The following ACD variants were observed in gnomAD, a reference collection of about 807,000 sequenced individuals.
The protein encoded by ACD is ACD shelterin complex subunit and telomerase recruitment factor, also known as adrenocortical dysplasia protein homolog.
ACD carries 39 observed loss-of-function variants against 53.9 expected under a neutral mutation model. That is an observed-to-expected ratio of 0.72 (90% CI 0.56 to 0.95). The LOEUF is 0.95. Ranked by LOEUF, ACD falls within the 40% of genes least tolerant of loss-of-function variation. ACD has a pLI of 0.00. For synonymous variants in ACD, 273 were observed against 249.2 expected, an observed-to-expected ratio of 1.10 and a Z score of -0.90; for missense variants, 526 against 587.9, an observed-to-expected ratio of 0.89 and a Z score of 1.09.
Position 67,659,283 on chromosome 16 carries a change from A to T in ACD, c.459-20T>A. 6.2e-7 allele frequency: 1 copy of T among 1,614,170 alleles called. No individual in the cohort carries two copies. The highest frequency in any genetic ancestry group is 1.1e-5 in the South Asian group (1 of 91,086). On this transcript the variant is annotated intron_variant, in intron 5 of 11. Coordinates refer to ENST00000620761, the MANE Select transcript of ACD (RefSeq NM_001082486.2). ...TGCTCCCTACAGGAAGAGAGTGGCC[A>T]GGACTCAGGAACCATGCTGAGGCCT...
chr16:67,660,113 G>C lies in ACD; in HGVS notation c.99+9C>G, dbSNP rs1432704450. The C allele has an allele frequency of 3.7e-6, 6 of 1,612,430 alleles. No homozygotes were observed. Among genetic ancestry groups the C allele is most frequent in the Non-Finnish European group, 5.1e-6 (6 of 1,179,866 alleles). On this transcript the variant is annotated intron_variant, in intron 1 of 11. Coordinates refer to ENST00000620761, the MANE Select transcript of ACD (RefSeq NM_001082486.2). Reference sequence around the variant, plus strand: ...CGCCTCGGTCTCCGGGCCCTGAATGGGGGCTCACCTCAAGCAGCTGCCCGG... The same window carrying C: ...CGCCTCGGTCTCCGGGCCCTGAATGCGGGCTCACCTCAAGCAGCTGCCCGG...
In ACD at chr16:67,659,268, A is replaced by G. The variant is rs367821436; in HGVS notation, c.459-5T>C. 11 of 1,614,048 alleles carry G rather than the reference A, an allele frequency of 6.8e-6. No individual in the cohort carries two copies. The highest frequency in any genetic ancestry group is 3.3e-5 in the Admixed American group (2 of 60,006). ...GTGGACTCTGAAAGGTGCTCCCTAC[A>G]GGAAGAGAGTGGCCAGGACTCAGGA... On this transcript the variant is annotated splice_polypyrimidine_tract_variant and splice_region_variant and intron_variant, in intron 5 of 11. Coordinates refer to ENST00000620761, the MANE Select transcript of ACD (RefSeq NM_001082486.2).
At position 67,657,951 on chromosome 16, in the gene ACD, G is replaced by A. The variant is rs778014945; in HGVS notation, c.1206+35C>T. On this transcript the variant is annotated intron_variant, in intron 10 of 11. Coordinates refer to ENST00000620761, the MANE Select transcript of ACD (RefSeq NM_001082486.2). The surrounding 1 kb of genome is among the most constrained non-coding windows in gnomAD (Gnocchi z 4.5). The stretch of plus-strand genomic sequence containing the variant: ...CCCAGCTCTACCTCAGGCCTTCCTT[G>A]TTCTACCCTCCAGCTGCAGAGGGGC... 1 of 1,596,278 alleles carries A rather than the reference G, an allele frequency of 6.3e-7. No individual in the cohort carries two copies.
In ACD at chr16:67,659,822, G is replaced by A. The variant is rs779109543; in HGVS notation, c.243-27C>T. The A allele has an allele frequency of 7.5e-6, 12 of 1,593,460 alleles. No individual in the cohort carries two copies. In the South Asian group the frequency reaches 1.2e-4, roughly 16 times the overall value. The stretch of plus-strand genomic sequence containing the variant: ...TGCAACAAGCAGGATCCTCACTGCC[G>A]GGCCCACCTGAACACAAGGCCCGCC... On this transcript the variant is annotated intron_variant, in intron 2 of 11. Coordinates refer to ENST00000620761, the MANE Select transcript of ACD (RefSeq NM_001082486.2).
At position 67,658,528 on chromosome 16, in the gene ACD, G is replaced by A. The variant is rs778484233; in HGVS notation, c.829+27C>T. ...GAACCTGACTGACAGGCGGCAGTGA[G>A]TGCCTGTGACCTGTGCATCACCTCA... On this transcript the variant is annotated intron_variant, in intron 9 of 11. Transcript: ENST00000620761. The A allele has an allele frequency of 2.5e-6, 4 of 1,569,112 alleles. No individual in the cohort carries two copies. In the African/African-American group the frequency reaches 4.0e-5, roughly 16 times the overall value.
At position 67,658,196 on chromosome 16, in the gene ACD, G is replaced by A. The variant is rs560864093; in HGVS notation, c.996C>T (p.His332=). The A allele has an allele frequency of 1.2e-5, 19 of 1,612,750 alleles. No homozygotes were observed. In the African/African-American group the frequency reaches 1.6e-4, roughly 14 times the overall value. The change falls in exon 10 of 12, where the codon CAC becomes CAT. Residue 332 remains histidine, a synonymous_variant. Transcript: ENST00000620761. ...APATLTPRSP[H]ASRTPSSPLQ... ...GTGGGGAGCTGGGGGTACGGCTGGC[G>A]TGTGGGGACCTGGGGGTCAGGGTGG...
chr16:67,659,290 A>T (rs187847017), intron 5 of ACD, 27 bp from the exon 6 acceptor site: 1 of 1,614,156 alleles, frequency 6.2e-7, no homozygotes, highest in Non-Finnish European at 8.5e-7. Context: ...GCCAGGACTC[A>T]GGAACCATGC....
chr16:67,657,663 G>T lies in ACD; in HGVS notation c.1320C>A (p.Ala440=). ...CATCCATCAGAAAGTGCAAGGCCCA[G>T]GCCATGAGCTGGGGAGGAAGCCTGG... ...QAVRLPPQLM[A]WALHFLMDAQ... The change falls in exon 12 of 12, where the codon GCC becomes GCA. Residue 440 remains alanine (A), a synonymous_variant. Coordinates refer to ENST00000620761, the MANE Select transcript of ACD (RefSeq NM_001082486.2). This position sits in a 1 kb window ranked among gnomAD's most constrained non-coding sequence, Gnocchi z 4.5. 6.2e-7 allele frequency: 1 copy of T among 1,614,176 alleles called. No individual in the cohort carries two copies. The highest frequency in any genetic ancestry group is 2.2e-5 in the East Asian group (1 of 44,896).
rs372485172 is a variant in ACD, at chr16:67,658,316, G to A, written c.876C>T (p.Thr292=). The change falls in exon 10 of 12, where the codon ACC becomes ACT. Residue 292 remains threonine (T), a synonymous_variant. Coordinates refer to ENST00000620761, the MANE Select transcript of ACD (RefSeq NM_001082486.2). ...PGHMSSEESG[T]SISLLPALSL... ...ACAGGGCAGGCAGAAGGCTGATGCT[G>A]GTACCACTTTCCTCGGATGACATGT... The A allele has an allele frequency of 5.6e-6, 9 of 1,613,758 alleles. No individual in the cohort carries two copies. In the African/African-American group the frequency reaches 1.1e-4, roughly 19 times the overall value.
At position 67,659,903 on chromosome 16, in the gene ACD, C is replaced by A; in HGVS notation, c.242G>T (p.Trp81Leu). The A allele has an allele frequency of 1.3e-6, 2 of 1,591,238 alleles. No individual in the cohort carries two copies. Among genetic ancestry groups the A allele is most frequent in the Non-Finnish European group, 1.7e-6 (2 of 1,168,224 alleles). Reference protein sequence around the residue: ...VTREALDTSDWEEKEFGFRGT... With the variant: ...VTREALDTSDLEEKEFGFRGT... ...TCCAGAGCCGCGCGGGGCCTCTCAC[C>A]AGTCCGAGGTGTCCAGGGCCTCCCG... Residue 81 changes from tryptophan to leucine, a missense_variant and splice_region_variant, in exon 2 of 12, where the codon TGG (tryptophan) becomes TTG (leucine). Physicochemically the swap from Trp to Leu is moderately conservative, Grantham distance 61 (BLOSUM62 -2). Transcript: ENST00000620761.
Position 67,659,985 on chromosome 16 carries a change from C to A in ACD, c.160G>T (p.Val54Phe), listed in dbSNP as rs1357706430. 6.2e-7 allele frequency: 1 copy of A among 1,609,058 alleles called. No homozygotes were observed. Among genetic ancestry groups the A allele is most frequent in the Non-Finnish European group, 8.5e-7 (1 of 1,179,006 alleles). Residue 54 changes from valine to phenylalanine, a missense_variant, in exon 2 of 12, where the codon GTC becomes TTC. Transcript: ENST00000620761. Reference protein sequence around the residue: ...GPSHAPDTSDVGATLLVSDGT... With the variant: ...GPSHAPDTSDFGATLLVSDGT... ...TCAGACACAAGCAGCGTGGCCCCGA[C>A]GTCGGACGTATCAGGGGCGTGGGAT...
Position 67,659,901 on chromosome 16 carries a change from A to ACC in ACD, c.242_242+1dup, listed in dbSNP as rs2052968592. The ACC allele has an allele frequency of 6.3e-7, 1 of 1,588,362 alleles. No homozygotes were observed. The highest frequency in any genetic ancestry group is 8.6e-7 in the Non-Finnish European group (1 of 1,166,160). ...CCTCCAGAGCCGCGCGGGGCCTCTC[A>ACC]CCAGTCCGAGGTGTCCAGGGCCTCC... On this transcript the variant is annotated splice_donor_variant, in intron 2 of 11. Coordinates refer to ENST00000620761, the MANE Select transcript of ACD (RefSeq NM_001082486.2). LOFTEE classifies it high-confidence loss of function.
Position 67,657,640 on chromosome 16 carries a change from T to A in ACD, c.1343A>T (p.Asp448Val). Residue 448 changes from aspartate (D) to valine (V), a missense_variant, in exon 12 of 12, where the codon GAT becomes GTT. By Grantham distance (152) the Asp-to-Val change is radical. Coordinates refer to ENST00000620761, the MANE Select transcript of ACD (RefSeq NM_001082486.2). This position sits in a 1 kb window ranked among gnomAD's most constrained non-coding sequence, Gnocchi z 4.5. ...AGTTGGCTCAGACCCTGGCTGTGCA[T>A]CCATCAGAAAGTGCAAGGCCCAGGC... ...LMAWALHFLMDAQPGSEPTPM is the reference protein window; with the variant it reads ...LMAWALHFLMVAQPGSEPTPM 1 of 1,614,154 alleles carries A rather than the reference T, an allele frequency of 6.2e-7. No homozygotes were observed. The highest frequency in any genetic ancestry group is 8.5e-7 in the Non-Finnish European group (1 of 1,180,024).
chr16:67,660,206 C>A lies in ACD; in HGVS notation c.15G>T (p.Gly5=), dbSNP rs1032620777. 9 of 1,612,564 alleles carry A rather than the reference C, an allele frequency of 5.6e-6. No individual in the cohort carries two copies. Among genetic ancestry groups the A allele is most frequent in the Admixed American group, 1.7e-5 (1 of 60,014 alleles). MAGS[G]RLVLRPWIRE... ...GAATCCAGGGCCGTAGGACCAGCCT[C>A]CCCGAACCTGCCATCCCCACGGCTA... The change falls in exon 1 of 12, where the codon GGG becomes GGT. Residue 5 remains glycine (G), a synonymous_variant. Coordinates refer to ENST00000620761, the MANE Select transcript of ACD (RefSeq NM_001082486.2).
Position 67,659,261 on chromosome 16 carries a change from T to C in ACD, c.461A>G (p.Glu154Gly), listed in dbSNP as rs2052946359. The change falls in exon 6 of 12, where the codon GAG becomes GGG. Residue 154 changes from glutamate to glycine, a missense_variant and splice_region_variant. Glu to Gly is a moderately conservative substitution (Grantham distance 98). Transcript: ENST00000620761. ...VQKKLYDCLEEHLSESTSSNA... is the reference protein window; with the variant it reads ...VQKKLYDCLEGHLSESTSSNA... ...GGACGAGGTGGACTCTGAAAGGTGC[T>C]CCCTACAGGAAGAGAGTGGCCAGGA... is the stretch of plus-strand genomic sequence containing the variant. 1 of 1,614,058 alleles carries C rather than the reference T, an allele frequency of 6.2e-7. No homozygotes were observed. The highest frequency in any genetic ancestry group is 8.5e-7 in the Non-Finnish European group (1 of 1,180,008).
rs754631809 is a variant in ACD at position 67,658,617 on chromosome 16, G to C, written c.767C>G (p.Pro256Arg). 3 of 1,576,120 alleles carry C rather than the reference G, an allele frequency of 1.9e-6. No homozygotes were observed. The highest frequency in any genetic ancestry group is 2.6e-6 in the Non-Finnish European group (3 of 1,159,982). ...TQGPELPPPD[P>R]ALQDLSLTLI... ...GGTCAGAGATAGGTCCTGCAGAGCC[G>C]GGTCTGGTGGGGGCAGCTCAGGGCC... Residue 256 changes from proline (P) to arginine (R), a missense_variant, in exon 9 of 12, where the codon CCG becomes CGG. By Grantham distance (103) the Pro-to-Arg change is moderately radical. Coordinates refer to ENST00000620761, the MANE Select transcript of ACD (RefSeq NM_001082486.2).
In ACD at chr16:67,659,745, A is replaced by T. The variant is rs1335457816; in HGVS notation, c.293T>A (p.Leu98Gln). The change falls in exon 3 of 12, where the codon CTG (leucine) becomes CAG (glutamine). Residue 98 changes from leucine (L) to glutamine (Q), a missense_variant. By Grantham distance (113) the Leu-to-Gln change is moderately radical (BLOSUM62 -2). Coordinates refer to ENST00000620761, the MANE Select transcript of ACD (RefSeq NM_001082486.2). ...FRGTEGRLLL[L>Q]QDCGVHVQVA... ...CTGGACATGAACCCCGCAGTCCTGC[A>T]GCAGCAGCAGCCGGCCCTCTGTCCC... The T allele has an allele frequency of 6.2e-7, 1 of 1,611,820 alleles. No individual in the cohort carries two copies.
chr16:67,658,890 C>G lies in ACD; in HGVS notation c.645+38G>C, dbSNP rs144445048. ...GTGGGATATGACCCTTGCCCAACTC[C>G]TCACCCTGACATCTCCCAAGCAAAT... is the stretch of plus-strand genomic sequence containing the variant. On this transcript the variant is annotated intron_variant, in intron 7 of 11. Transcript: ENST00000620761. 7.6e-5 allele frequency: 122 copies of G among 1,607,386 alleles called. No individual in the cohort carries two copies. In the African/African-American group the frequency reaches 1.2e-3, roughly 16 times the overall value.
chr16:67,658,023 C>T lies in ACD; in HGVS notation c.1169G>A (p.Gly390Glu), dbSNP rs1420989941. The stretch of plus-strand genomic sequence containing the variant: ...GGGCTCCTGGGCTCCCCTGGTAGCT[C>T]CGGTCCTGGGAAAAGGCGGCCGATT... ...CKNRPPFPRTGATRGAQEPCS... is the reference protein window; with the variant it reads ...CKNRPPFPRTEATRGAQEPCS... The change falls in exon 10 of 12, where the codon GGA becomes GAA. Residue 390 changes from glycine (G) to glutamate (E), a missense_variant. Coordinates refer to ENST00000620761, the MANE Select transcript of ACD (RefSeq NM_001082486.2). 5 of 1,548,722 alleles carry T rather than the reference C, an allele frequency of 3.2e-6. No homozygotes were observed. Among genetic ancestry groups the T allele is most frequent in the Non-Finnish European group, 3.5e-6 (4 of 1,148,410 alleles).
Sources: allele counts gnomAD v4.1 joint callset, GRCh38; gene constraint gnomAD v4.1.1; non-coding constraint Gnocchi (gnomAD v3.1); transcripts MANE v1.5; gene names NCBI Gene and HGNC (gene_info 2026-07-23, HGNC 2026-07-21).